TMEM71: variants seen among roughly 807,000 people sequenced by gnomAD.
The protein encoded by TMEM71 is transmembrane protein 71.
TMEM71 carries 44 observed loss-of-function variants against 38.0 expected under a neutral mutation model. That is an observed-to-expected ratio of 1.16 (90% confidence interval 0.91 to 1.49). The LOEUF (loss-of-function observed/expected upper bound fraction) is 1.49. TMEM71 is among the 40% of genes most tolerant of loss of function. TMEM71 has a pLI of 0.00. For missense variants in TMEM71, 367 were observed against 348.6 expected (o/e 1.05, Z -0.42); for synonymous variants, 133 against 122.5 (o/e 1.09, Z -0.56).
intron 3 of TMEM71, among the ~76,000 whole-genome samples, chr8:132,756,516 T>C (rs1829029887): frequency 6.8e-6 from 1 of 147,046 alleles, no homozygotes; most frequent in African/African-American, 2.5e-5. Context: ...CAAAACTAGA[T>C]GATAGCTAAA....
chr8:132,751,949 G>T lies in TMEM71; in HGVS notation c.150C>A (p.Ser50=). The T allele has an allele frequency of 1.9e-6, 3 of 1,614,092 alleles. No individual in the cohort carries two copies. The highest frequency in any genetic ancestry group is 2.5e-6 in the Non-Finnish European group (3 of 1,180,018). ...LDGYHSFECG[S]IDPLTGSHYT... is the part of the protein sequence containing the mutation. ...AGTGGGAGCCTGTCAGGGGATCTATGGAGCCGCATTCAAAAGAATGGTAAC... is the reference window on the plus strand; with the variant it reads ...AGTGGGAGCCTGTCAGGGGATCTATTGAGCCGCATTCAAAAGAATGGTAAC... Residue 50 remains serine (S), a synonymous_variant, in exon 4 of 10, where the codon TCC becomes TCA. Coordinates refer to ENST00000677595, the MANE Select transcript of TMEM71 (RefSeq NM_001382403.1).
At chr8:132,765,879 C>T in the TMEM71 span, among the ~76,000 whole-genome samples, 4 of 151,984 alleles carry the variant, frequency 2.6e-5, no homozygotes, top group South Asian at 8.3e-4. Context: ...GCCTTTGCCT[C>T]CCAGATTCAA....
chr8:132,716,106 G>A (rs965825975), intron 7 of TMEM71, among the ~76,000 whole-genome samples: 1 of 152,168 alleles, frequency 6.6e-6, no homozygotes, highest in East Asian at 1.9e-4. Flanking sequence ...AGCTGCAGCC[G>A]CTCAGCCATG....
chr8:132,728,027 TG>T, intron 5 of TMEM71, 41 bp from the exon 6 acceptor site: 1 of 1,376,912 alleles, frequency 7.3e-7, no homozygotes, highest in Non-Finnish European at 1.0e-6. Flanking sequence ...TGTGTGTGTG[TG>T]TGTGTGTGTG....
chr8:132,737,317 CAGAA>C (rs1827804407), intron 5 of TMEM71, among the ~76,000 whole-genome samples: 1 of 152,204 alleles, frequency 6.6e-6, no homozygotes, highest in Admixed American at 6.5e-5. Flanking sequence ...GCCACTCTGT[CAGAA>C]AGAGTCAGAG....
chr8:132,746,954 A>C lies in TMEM71; in HGVS notation c.475T>G (p.Cys159Gly), dbSNP rs140449969. 36 of 1,597,312 alleles carry C rather than the reference A, an allele frequency of 2.3e-5. No individual in the cohort carries two copies. In the African/African-American group the frequency reaches 4.6e-4, roughly 20 times the overall value. Residue 159 changes from cysteine (C) to glycine (G), a missense_variant, in exon 5 of 10, where the codon TGC becomes GGC. Cys to Gly is a radical substitution (Grantham distance 159, BLOSUM62 -3). Coordinates refer to ENST00000677595, the MANE Select transcript of TMEM71 (RefSeq NM_001382403.1). ...GACTCAAACTCACCATTTCCATTGCAATGGTCTGTGTCCAACCTCCTGGTC... is the reference window on the plus strand; with the variant it reads ...GACTCAAACTCACCATTTCCATTGCCATGGTCTGTGTCCAACCTCCTGGTC... Reference protein sequence around the residue: ...KGTRRLDTDHCNGNADDLDCS... With the variant: ...KGTRRLDTDHGNGNADDLDCS...
chr8:132,771,922 T>C, the TMEM71 span, among the ~76,000 whole-genome samples: 1 of 152,194 alleles, frequency 6.6e-6, no homozygotes, highest in African/African-American at 2.4e-5. Flanking sequence ...GAAAGATAAG[T>C]GAGCTCTTTG....
intron 5 of TMEM71, among the ~76,000 whole-genome samples, chr8:132,740,406 T>G (rs1336798776): frequency 1.3e-5 from 2 of 152,238 alleles, no homozygotes; most frequent in Non-Finnish European, 2.9e-5. Context: ...TTGTTTCCCA[T>G]ACCACTCACC....
At chr8:132,747,204 C>A in intron 4 of TMEM71, 90 bp from the exon 5 acceptor site, 1 of 1,137,090 alleles carries the variant, frequency 8.8e-7, no homozygotes. Flanking sequence ...ATTTCTACAA[C>A]CCAAGTCTGC....
At chr8:132,719,491 G>A (rs1394499357) in intron 7 of TMEM71, among the ~76,000 whole-genome samples, 3 of 152,162 alleles carry the variant, frequency 2.0e-5, no homozygotes, top group African/African-American at 7.2e-5. Flanking sequence ...GTCTCATCAT[G>A]TATATGCAAA....
At chr8:132,734,177 C>T (rs1827617642) in intron 5 of TMEM71, among the ~76,000 whole-genome samples, 1 of 151,876 alleles carries the variant, frequency 6.6e-6, no homozygotes, top group African/African-American at 2.4e-5. Context: ...CACACACACG[C>T]ATACACATAC....
chr8:132,756,201 T>C (rs1483235712), intron 3 of TMEM71, among the ~76,000 whole-genome samples: 6 of 151,882 alleles, frequency 4.0e-5, no homozygotes, highest in Admixed American at 6.6e-5. Context: ...TTGTAGTACT[T>C]CAAGAAAATG....
At position 132,737,599 on chromosome 8, in the gene TMEM71, AG is replaced by A. The variant is rs745531491; in HGVS notation, c.487+9342del. Among the ~76,000 whole-genome samples, 33 of 152,326 alleles carry A rather than the reference AG, an allele frequency of 2.2e-4. No individual in the cohort carries two copies. The Middle Eastern group carries it at 0.01, about 47-fold the overall frequency. ...TTCTTACCTGTGTGGCCTCATATAT[AG>A]TACCTAAGCTACCTTAGCTTCTTCC... On this transcript the variant is annotated intron_variant, in intron 5 of 9. Coordinates refer to ENST00000677595, the MANE Select transcript of TMEM71 (RefSeq NM_001382403.1).
intron 5 of TMEM71, among the ~76,000 whole-genome samples, chr8:132,734,117 G>T (rs557057360): frequency 1.6e-4 from 25 of 151,678 alleles, no homozygotes; most frequent in Non-Finnish European, 1.5e-5. Context: ...TAACAACATG[G>T]TATTTATTAA....
chr8:132,725,750 C>T (rs1055671731), intron 6 of TMEM71, among the ~76,000 whole-genome samples: 15 of 152,222 alleles, frequency 9.9e-5, no homozygotes, highest in African/African-American at 3.4e-4. Flanking sequence ...CGAAGTGAAG[C>T]GCTACCTCCA....
intron 5 of TMEM71, among the ~76,000 whole-genome samples, chr8:132,744,859 AC>A (rs1192703815): frequency 3.3e-5 from 5 of 152,186 alleles, no homozygotes; most frequent in Admixed American, 3.3e-4. Context: ...GGAATAGAGA[AC>A]CCAGAAGTAA....
At chr8:132,770,012 CT>C in the TMEM71 span, among the ~76,000 whole-genome samples, 1 of 152,202 alleles carries the variant, frequency 6.6e-6, no homozygotes, top group Non-Finnish European at 1.5e-5. Flanking sequence ...CATTTGGTGA[CT>C]GTCAATTTGT....
intron 5 of TMEM71, among the ~76,000 whole-genome samples, chr8:132,732,475 T>C (rs1224056351): frequency 6.6e-6 from 1 of 152,090 alleles, no homozygotes; most frequent in Non-Finnish European, 1.5e-5. Context: ...TCCCAGGAGA[T>C]GATTCTGTCT....
chr8:132,767,958 C>T, the TMEM71 span, among the ~76,000 whole-genome samples: 1 of 151,976 alleles, frequency 6.6e-6, no homozygotes, highest in Non-Finnish European at 1.5e-5. Flanking sequence ...GATCACAATG[C>T]CATTAAGCAA....
Sources: allele counts gnomAD v4.1 joint callset (sites outside exome capture counted in the v4.1 genomes callset), GRCh38; gene constraint gnomAD v4.1.1; transcripts MANE v1.5; gene names NCBI Gene and HGNC (gene_info 2026-07-23, HGNC 2026-07-21).